SLC26A4: variants seen among roughly 807,000 people sequenced by gnomAD.
SLC26A4 encodes the protein pendrin.
SLC26A4 carries 93 observed loss-of-function variants against 90.4 expected under a neutral mutation model. That is an observed-to-expected ratio of 1.03 (90% CI 0.87 to 1.22). The LOEUF (loss-of-function observed/expected upper bound fraction) is 1.22. Among genes scored for constraint, SLC26A4 ranks in the 50% most tolerant of loss-of-function variants. The pLI is 0.00. For missense variants in SLC26A4, 1,127 were observed against 946.2 expected (o/e 1.19, Z -2.51); for synonymous variants, 393 against 354.6 (o/e 1.11, Z -1.22).
chr7:107,674,999 T>G lies in SLC26A4; in HGVS notation c.655T>G (p.Leu219Val). 1 of 1,614,016 alleles carries G rather than the reference T, an allele frequency of 6.2e-7. No individual in the cohort carries two copies. The highest frequency in any genetic ancestry group is 8.5e-7 in the Non-Finnish European group (1 of 1,179,944). ...GFIVRYLADP[L>V]VGGFTTAAAF... ...CATAGTGAGGTACTTGGCAGATCCT[T>G]TGGTTGGTGGCTTCACAACAGCTGC... Residue 219 changes from leucine to valine, a missense_variant, in exon 6 of 21, where the codon TTG (leucine) becomes GTG (valine). Physicochemically the swap from Leu to Val is conservative, Grantham distance 32. Transcript: ENST00000644269.
At chr7:107,666,473 C>T (rs759967105) in intron 3 of SLC26A4, among the ~76,000 whole-genome samples, 47 of 152,266 alleles carry the variant, frequency 3.1e-4, no homozygotes, top group African/African-American at 7.0e-4. Context: ...CTGCCTGCCT[C>T]GGCCTCCCAA....
At chr7:107,710,791 T>C (rs1047353507) in intron 19 of SLC26A4, among the ~76,000 whole-genome samples, 1 of 152,178 alleles carries the variant, frequency 6.6e-6, no homozygotes, top group Non-Finnish European at 1.5e-5. Flanking sequence ...TTCTGTCAAA[T>C]ACCCAGAAGA....
intron 17 of SLC26A4, among the ~76,000 whole-genome samples, chr7:107,703,379 A>G (rs1254217942): frequency 6.6e-6 from 1 of 152,206 alleles, no homozygotes; most frequent in Non-Finnish European, 1.5e-5. Context: ...AGGGGAGGAA[A>G]TGATTCCAGG....
rs1272359183 is a variant in SLC26A4 at position 107,710,693 on chromosome 7, G to A, written c.2235+494G>A. Among the ~76,000 whole-genome samples the A allele has an allele frequency of 3.3e-5, 5 of 152,166 alleles. No homozygotes were observed. In the East Asian group the frequency reaches 7.7e-4, roughly 23 times the overall value. Reference sequence around the variant, plus strand: ...AATTTTTCCCTACAAAATAGAATAGGCCCTGATGGGAGGCCTCATGGCACA... The same window carrying A: ...AATTTTTCCCTACAAAATAGAATAGACCCTGATGGGAGGCCTCATGGCACA... On this transcript the variant is annotated intron_variant, in intron 19 of 20. Coordinates refer to ENST00000644269, the MANE Select transcript of SLC26A4 (RefSeq NM_000441.2).
At chr7:107,683,420 C>G (rs773118355) in intron 7 of SLC26A4, 35 bp from the exon 8 acceptor site, 1 of 1,609,432 alleles carries the variant, frequency 6.2e-7, no homozygotes, top group Non-Finnish European at 8.5e-7. Flanking sequence ...TTATTAAAAC[C>G]AATGGAGTTT....
At chr7:107,711,710 A>G (rs1792194136) in intron 19 of SLC26A4, among the ~76,000 whole-genome samples, 1 of 152,178 alleles carries the variant, frequency 6.6e-6, no homozygotes, top group Non-Finnish European at 1.5e-5. Context: ...TGTATCAAAG[A>G]TATTGTGACT....
Position 107,676,207 on chromosome 7 carries a change from A to G in SLC26A4, c.765+1098A>G, listed in dbSNP as rs145626042. On this transcript the variant is annotated intron_variant, in intron 6 of 20. Coordinates refer to ENST00000644269, the MANE Select transcript of SLC26A4 (RefSeq NM_000441.2). ...TCTGCAAAATTGGGTTAGTAATAGT[A>G]TATGCCTCATTGGATTGTTAAATAA... is the stretch of plus-strand genomic sequence containing the variant. 2.7e-4 allele frequency among the ~76,000 whole-genome samples: 41 copies of G among 152,338 alleles called. No homozygotes were observed. The East Asian group carries it at 5.0e-3, about 19-fold the overall frequency.
chr7:107,661,530 G>A lies in SLC26A4; in HGVS notation c.-3-109G>A, dbSNP rs1005652254. On this transcript the variant is annotated intron_variant, in intron 1 of 20. Transcript: ENST00000644269. This position sits in a 1 kb window ranked among gnomAD's most constrained non-coding sequence, Gnocchi z 5.1. ...CGGACCAGACTCGCGGTGCAGGGGG[G>A]CCTGGCTGCAGCTAACAGGTGATCC... is the stretch of plus-strand genomic sequence containing the variant. 49 of 1,226,060 alleles carry A rather than the reference G, an allele frequency of 4.0e-5. No homozygotes were observed. In the East Asian group the frequency reaches 6.4e-4, roughly 16 times the overall value. The allele number at this position is 1,226,060 out of a possible 1,614,324, so 75.9% of individuals were successfully genotyped here.
At chr7:107,704,455 G>A (rs767527054) in intron 18 of SLC26A4, 70 bp downstream of exon 18, 8 of 724,484 alleles carry the variant, frequency 1.1e-5, no homozygotes, top group Non-Finnish European at 2.0e-5. Context: ...CTGGGACTGT[G>A]GTCACATTAT....
chr7:107,672,209 A>T lies in SLC26A4; in HGVS notation c.376A>T (p.Thr126Ser), dbSNP rs1203821502. ...CTACTCTGCTTTTTTCCCTATCCTG[A>T]CATACTTTATCTTTGGAACATCAAG... ...GLYSAFFPIL[T>S]YFIFGTSRHI... is the part of the protein sequence containing the mutation. The change falls in exon 4 of 21, where the codon ACA becomes TCA. Residue 126 changes from threonine (T) to serine (S), a missense_variant. By Grantham distance (58) the Thr-to-Ser change is moderately conservative (BLOSUM62 1). Transcript: ENST00000644269. 1 of 1,611,220 alleles carries T rather than the reference A, an allele frequency of 6.2e-7. No individual in the cohort carries two copies. Among genetic ancestry groups the T allele is most frequent in the South Asian group, 1.1e-5 (1 of 91,026 alleles).
chr7:107,715,427 T>G lies in SLC26A4; in HGVS notation c.2324T>G (p.Met775Arg). 1 of 1,613,492 alleles carries G rather than the reference T, an allele frequency of 6.2e-7. No homozygotes were observed. ...GTTTTCCCCTTGCTTCCACAGGCTA[T>G]GCGTACACTTGCATCCTGAAAGTGG... ...EEELDVQDEA[M>R]RTLAS Residue 775 changes from methionine (M) to arginine (R), a missense_variant, in exon 21 of 21, where the codon ATG (methionine) becomes AGG (arginine). Met to Arg is a moderately conservative substitution (Grantham distance 91, BLOSUM62 -1). Coordinates refer to ENST00000644269, the MANE Select transcript of SLC26A4 (RefSeq NM_000441.2).
rs144765175 is a variant in SLC26A4, at chr7:107,696,701, A to G, written c.1544+662A>G. On this transcript the variant is annotated intron_variant, in intron 13 of 20. Transcript: ENST00000644269. ...GTGAAGGCAGCAAAGACATGATTTA[A>G]ATAATGGAAAACAGCCTGTGAGGGA... 3.6e-3 allele frequency among the ~76,000 whole-genome samples: 544 copies of G among 152,290 alleles called. 1 individual carries two copies. The highest frequency in any genetic ancestry group is 7.7e-3 in the Admixed American group (118 of 15,300).
intron 18 of SLC26A4, among the ~76,000 whole-genome samples, chr7:107,707,271 G>A (rs1792059487): frequency 6.6e-6 from 1 of 152,176 alleles, no homozygotes; most frequent in African/African-American, 2.4e-5. Context: ...CATAAAACCT[G>A]TAATTCTTCT....
chr7:107,683,169 C>T (rs373955620), intron 6 of SLC26A4, 33 bp from the exon 7 acceptor site: 4 of 1,561,314 alleles, frequency 2.6e-6, no homozygotes, highest in South Asian at 1.1e-5. Flanking sequence ...CGTGTAGCAG[C>T]AGGAAGTATA....
chr7:107,666,701 G>A (rs560193609), intron 3 of SLC26A4, among the ~76,000 whole-genome samples: 1 of 152,334 alleles, frequency 6.6e-6, no homozygotes, highest in Non-Finnish European at 1.5e-5. Context: ...CAGGGAGGAA[G>A]AGGAAGAATT....
At chr7:107,698,214 T>C (rs1791793881) in intron 14 of SLC26A4, 103 bp downstream of exon 14, 1 of 784,890 alleles carries the variant, frequency 1.3e-6, no homozygotes, top group Admixed American at 1.9e-5. Context: ...AAATGCCTAT[T>C]GGGAAAGTCT....
rs191413035 is a variant in SLC26A4 at position 107,705,655 on chromosome 7, A to G, written c.2089+1270A>G. Among the ~76,000 whole-genome samples, 8 of 152,284 alleles carry G rather than the reference A, an allele frequency of 5.3e-5. No individual in the cohort carries two copies. In the South Asian group the frequency reaches 8.3e-4, roughly 16 times the overall value. ...ATTCCATGACTGGTTAAATTAAAGCAGAAAGTGTAAGTTACCCAAAGAAGC... is the reference window on the plus strand; with the variant it reads ...ATTCCATGACTGGTTAAATTAAAGCGGAAAGTGTAAGTTACCCAAAGAAGC... On this transcript the variant is annotated intron_variant, in intron 18 of 20. Transcript: ENST00000644269.
intron 10 of SLC26A4, chr7:107,693,798 G>A: frequency 1.3e-6 from 1 of 777,426 alleles, no homozygotes; most frequent in Non-Finnish European, 1.6e-6. Context: ...CTGCCTCCGT[G>A]GAACTGTCAG....
At chr7:107,710,253 A>G in intron 19 of SLC26A4, 54 bp downstream of exon 19, 2 of 1,295,422 alleles carry the variant, frequency 1.5e-6, no homozygotes, top group Non-Finnish European at 1.1e-6. Flanking sequence ...CATGATTTCT[A>G]TAAATGGCAA....
Sources: allele counts gnomAD v4.1 joint callset (sites outside exome capture counted in the v4.1 genomes callset), GRCh38; gene constraint gnomAD v4.1.1; non-coding constraint Gnocchi (gnomAD v3.1); transcripts MANE v1.5; gene names NCBI Gene and HGNC (gene_info 2026-07-23, HGNC 2026-07-21).